Variants in MASTL observed in about 807,000 individuals in gnomAD.
MASTL encodes microtubule associated serine/threonine kinase like.
Under a neutral mutation model 82.5 loss-of-function variants are expected in MASTL, and 54 were observed. The observed-to-expected ratio is 0.65, with a 90% CI of 0.53 to 0.82. The LOEUF is 0.82. Among genes scored for constraint, MASTL ranks in the 40% least tolerant of loss-of-function variants. The pLI is 0.00. For synonymous variants in MASTL, 323 were observed against 368.9 expected, an observed-to-expected ratio of 0.88 and a Z score of 1.43; for missense variants, 950 against 1,047.8, an observed-to-expected ratio of 0.91 and a Z score of 1.29.
chr10:27,175,696 T>C (rs2058082057), intron 9 of MASTL, among the ~76,000 whole-genome samples: 2 of 152,210 alleles, frequency 1.3e-5, no homozygotes, highest in South Asian at 2.1e-4. Flanking sequence ...TCCATGTTGA[T>C]GATTCCCAAA....
chr10:27,177,590 C>T (rs2058140379), intron 9 of MASTL, among the ~76,000 whole-genome samples: 2 of 152,142 alleles, frequency 1.3e-5, no homozygotes, highest in Admixed American at 6.6e-5. Context: ...ACTTTATGTG[C>T]ACCTTTTTGT....
At chr10:27,169,713 T>G (rs1255920382) in intron 7 of MASTL, among the ~76,000 whole-genome samples, 1 of 152,224 alleles carries the variant, frequency 6.6e-6, no homozygotes, top group Non-Finnish European at 1.5e-5. Context: ...AAATAAGTAT[T>G]ATAGAATAAT....
At position 27,170,413 on chromosome 10, in the gene MASTL, C is replaced by G. The variant is rs1369672665; in HGVS notation, c.1454C>G (p.Thr485Arg). The change falls in exon 8 of 12, where the codon ACA becomes AGA. Residue 485 changes from threonine to arginine, a missense_variant. Thr to Arg is a moderately conservative substitution (Grantham distance 71, BLOSUM62 -1). Transcript: ENST00000375940. The stretch of plus-strand genomic sequence containing the variant: ...TATACAAATCAAAATACAGGCTTAA[C>G]AGTTGAAGTGCAGGACCTTAAGCTA... ...NCYTNQNTGL[T>R]VEVQDLKLSV... 1.7e-5 allele frequency: 27 copies of G among 1,614,036 alleles called. No individual in the cohort carries two copies. The highest frequency in any genetic ancestry group is 2.3e-5 in the Non-Finnish European group (27 of 1,179,968).
chr10:27,184,366 A>T (rs1405109196), intron 11 of MASTL, among the ~76,000 whole-genome samples: 2 of 152,104 alleles, frequency 1.3e-5, no homozygotes, highest in Non-Finnish European at 2.9e-5. Flanking sequence ...TAGCTTTTTC[A>T]AGGCACTTCA....
In MASTL at chr10:27,170,446, A is replaced by G; in HGVS notation, c.1487A>G (p.His496Arg). 2.5e-6 allele frequency: 4 copies of G among 1,614,170 alleles called. No homozygotes were observed. The highest frequency in any genetic ancestry group is 3.4e-6 in the Non-Finnish European group (4 of 1,180,014). The change falls in exon 8 of 12, where the codon CAC becomes CGC. Residue 496 changes from histidine (H) to arginine (R), a missense_variant. Coordinates refer to ENST00000375940, the MANE Select transcript of MASTL (RefSeq NM_001172303.3). ...GTGCAGGACCTTAAGCTATCAGTGC[A>G]CAAAAGTCAACAAAATGACTGTGCT... ...VEVQDLKLSVHKSQQNDCANK... is the reference protein window; with the variant it reads ...VEVQDLKLSVRKSQQNDCANK...
intron 11 of MASTL, among the ~76,000 whole-genome samples, chr10:27,182,906 C>T (rs2058409566): frequency 6.6e-6 from 1 of 151,950 alleles, no homozygotes; most frequent in South Asian, 2.1e-4. Flanking sequence ...CCTCAGCCTC[C>T]CCAAAATGCT....
intron 1 of MASTL, among the ~76,000 whole-genome samples, chr10:27,158,125 G>A (rs1423642203): frequency 2.6e-5 from 4 of 151,754 alleles, no homozygotes; most frequent in South Asian, 2.1e-4. Flanking sequence ...TTTTTTGTAC[G>A]TGCTTTCCTG....
At chr10:27,158,791 T>G in intron 2 of MASTL, 105 bp downstream of exon 2, 4 of 1,253,250 alleles carry the variant, frequency 3.2e-6, no homozygotes, top group Non-Finnish European at 4.7e-6. Context: ...ATTTGAATTC[T>G]GGCTGCACTC....
At chr10:27,174,723 T>C (rs1290954646) in intron 9 of MASTL, among the ~76,000 whole-genome samples, 1 of 152,166 alleles carries the variant, frequency 6.6e-6, no homozygotes, top group Non-Finnish European at 1.5e-5. Flanking sequence ...TCTATCATCA[T>C]AGAGCTGGCT....
chr10:27,182,640 G>A (rs1376590565), intron 11 of MASTL, among the ~76,000 whole-genome samples: 1 of 152,016 alleles, frequency 6.6e-6, no homozygotes, highest in Non-Finnish European at 1.5e-5. Context: ...GCTACTTGGG[G>A]GCTTAGGCAG....
chr10:27,182,074 CAAAAAAA>C (rs544379603), intron 11 of MASTL, among the ~76,000 whole-genome samples: 1 of 95,492 alleles, frequency 1.0e-5, no homozygotes, highest in African/African-American at 4.1e-5. Context: ...GACTCCCTCT[CAAAAAAA>C]AAAAAAAAAA....
intron 11 of MASTL, among the ~76,000 whole-genome samples, chr10:27,186,075 C>T (rs1436646912): frequency 6.7e-6 from 1 of 149,296 alleles, no homozygotes; most frequent in East Asian, 1.9e-4. Context: ...GGCAACGGAG[C>T]GAGACCTCGT....
chr10:27,170,199 G>A lies in MASTL; in HGVS notation c.1240G>A (p.Asp414Asn). Residue 414 changes from aspartate to asparagine, a missense_variant, in exon 8 of 12, where the codon GAC (aspartate) becomes AAC (asparagine). Asp to Asn is a conservative substitution (Grantham distance 23). Coordinates refer to ENST00000375940, the MANE Select transcript of MASTL (RefSeq NM_001172303.3). The stretch of plus-strand genomic sequence containing the variant: ...TGTAAATAATATAAATATGGACACT[G>A]ACACAAGTCAGTTAGGTTTCCATCA... The part of the protein sequence containing the change: ...LDVNNINMDT[D>N]TSQLGFHQSN... The A allele has an allele frequency of 6.2e-7, 1 of 1,614,140 alleles. No homozygotes were observed.
At chr10:27,164,599 G>A (rs1482367453) in intron 4 of MASTL, among the ~76,000 whole-genome samples, 2 of 152,042 alleles carry the variant, frequency 1.3e-5, no homozygotes, top group Non-Finnish European at 1.5e-5. Context: ...GCTAACGTGA[G>A]GGGCCTAAAA....
rs1355557504 is a variant in MASTL, at chr10:27,170,214, G to A, written c.1255G>A (p.Gly419Ser). Residue 419 changes from glycine (G) to serine (S), a missense_variant, in exon 8 of 12, where the codon GGT (glycine) becomes AGT (serine). By Grantham distance (56) the Gly-to-Ser change is moderately conservative. Transcript: ENST00000375940. ...INMDTDTSQL[G>S]FHQSNQWAVD... ...TATGGACACTGACACAAGTCAGTTAGGTTTCCATCAGTCAAATCAGTGGGC... is the reference window on the plus strand; with the variant it reads ...TATGGACACTGACACAAGTCAGTTAAGTTTCCATCAGTCAAATCAGTGGGC... The A allele has an allele frequency of 6.2e-7, 1 of 1,614,112 alleles. No individual in the cohort carries two copies. The highest frequency in any genetic ancestry group is 8.5e-7 in the Non-Finnish European group (1 of 1,180,032).
rs1469689969 is a variant in MASTL, at chr10:27,159,544, T to C, written c.325-75T>C. On this transcript the variant is annotated intron_variant, in intron 2 of 11. Transcript: ENST00000375940. The surrounding 1 kb of genome is among the most constrained non-coding windows in gnomAD (Gnocchi z 4.0). ...ACAGAGCCATGCCAAATATTGTAAC[T>C]GTAATGCCCAAATACTAGATTTTTA... 7.5e-6 allele frequency: 8 copies of C among 1,063,752 alleles called. No homozygotes were observed. The highest frequency in any genetic ancestry group is 1.0e-5 in the Non-Finnish European group (7 of 701,634). The allele number at this position is 1,063,752 out of a possible 1,614,324, so 65.9% of individuals were successfully genotyped here.
rs1018264590 is a variant in MASTL, at chr10:27,171,169, T to C, written c.2124+86T>C. ...TTTGCCTCTAAGCTAGACTATGCGG[T>C]ATTAATCATATAGTTCTGTTCTTCT... On this transcript the variant is annotated intron_variant, in intron 8 of 11. Transcript: ENST00000375940. 17 of 1,143,156 alleles carry C rather than the reference T, an allele frequency of 1.5e-5. No homozygotes were observed. The African/African-American group carries it at 1.8e-4, about 12-fold the overall frequency. 70.8% of individuals were successfully genotyped at this position (1,143,156 alleles called of 1,614,324 possible).
chr10:27,180,289 G>C (rs191520316), intron 9 of MASTL, among the ~76,000 whole-genome samples: 108 of 152,394 alleles, frequency 7.1e-4, no homozygotes, highest in African/African-American at 2.5e-3. Flanking sequence ...ACAAGGGCTT[G>C]CTAGAGATGT....
chr10:27,161,067 T>C (rs2057555391), intron 3 of MASTL, 27 bp from the exon 4 acceptor site: 1 of 1,451,176 alleles, frequency 6.9e-7, no homozygotes, highest in African/African-American at 1.4e-5. Context: ...TTTTTGGTTA[T>C]CTAATATTTG....
Sources: gnomAD v4.1 joint callset for allele counts (sites outside exome capture counted in the v4.1 genomes callset) on GRCh38, gnomAD v4.1.1 for gene constraint, Gnocchi (gnomAD v3.1) non-coding constraint, MANE v1.5 for transcripts, NCBI Gene and HGNC (gene_info 2026-07-23, HGNC 2026-07-21) for gene names.